Variants in IL7R observed in about 807,000 individuals in gnomAD.
The protein encoded by IL7R is interleukin-7 receptor subunit alpha.
Under a neutral mutation model 47.0 loss-of-function variants are expected in IL7R, and 38 were observed. The ratio of observed to expected loss-of-function variants is 0.81; its 90% confidence interval spans 0.62 to 1.06. The LOEUF (loss-of-function observed/expected upper bound fraction) is 1.06, where lower values mean the gene tolerates loss of function less well. Ranked by LOEUF, IL7R falls within the 50% of genes least tolerant of loss-of-function variation. The pLI, the probability that IL7R is intolerant of heterozygous loss-of-function variation, is 0.00. For missense variants in IL7R, 633 were observed against 534.8 expected, an observed-to-expected ratio of 1.18 and a Z score of -1.81; for synonymous variants, 221 against 199.8, an observed-to-expected ratio of 1.11 and a Z score of -0.89.
At position 35,877,271 on chromosome 5, in the gene IL7R, A is replaced by G. The variant is rs1561426692; in HGVS notation, c.*785A>G. 2 of 233,260 alleles carry G rather than the reference A, an allele frequency of 8.6e-6. No homozygotes were observed. Among genetic ancestry groups the G allele is most frequent in the Non-Finnish European group, 1.7e-5 (2 of 118,008 alleles). The allele number at this position is 233,260 out of a possible 1,614,324, so 14.4% of individuals were successfully genotyped here. On this transcript the variant is annotated 3_prime_UTR_variant, in exon 8 of 8. Transcript: ENST00000303115. ...TGTCCCCAGACAAATGTGAACATAC[A>G]TATCATCACTTAAATTAAAATGGCT...
In IL7R at chr5:35,860,875, G is replaced by A. The variant is rs1177711424; in HGVS notation, c.106G>A (p.Asp36Asn). ...QNGDLEDAEL[D>N]DYSFSCYSQL... ...AGGAGACTTGGAAGATGCAGAACTG[G>A]ATGACTACTCATTCTCATGCTATAG... is the stretch of plus-strand genomic sequence containing the variant. Residue 36 changes from aspartate (D) to asparagine (N), a missense_variant, in exon 2 of 8, where the codon GAT (aspartate) becomes AAT (asparagine). Asp to Asn is a conservative substitution (Grantham distance 23). Coordinates refer to ENST00000303115, the MANE Select transcript of IL7R (RefSeq NM_002185.5). 5.6e-6 allele frequency: 9 copies of A among 1,613,640 alleles called. No individual in the cohort carries two copies. Among genetic ancestry groups the A allele is most frequent in the Non-Finnish European group, 6.8e-6 (8 of 1,179,614 alleles).
chr5:35,876,308 A>C lies in IL7R; in HGVS notation c.1202A>C (p.Tyr401Ser). Residue 401 changes from tyrosine to serine, a missense_variant, in exon 8 of 8, where the codon TAC (tyrosine) becomes TCC (serine). Physicochemically the swap from Tyr to Ser is moderately radical, Grantham distance 144. Coordinates refer to ENST00000303115, the MANE Select transcript of IL7R (RefSeq NM_002185.5). ...RESGKNGPHVYQDLLLSLGTT... is the reference protein window; with the variant it reads ...RESGKNGPHVSQDLLLSLGTT... ...AGTGGCAAGAATGGGCCTCATGTGT[A>C]CCAGGACCTCCTGCTTAGCCTTGGG... 6.2e-7 allele frequency: 1 copy of C among 1,613,712 alleles called. No individual in the cohort carries two copies. Among genetic ancestry groups the C allele is most frequent in the South Asian group, 1.1e-5 (1 of 91,076 alleles).
Position 35,876,992 on chromosome 5 carries a change from C to T in IL7R, c.*506C>T, listed in dbSNP as rs1760235402. ...TTTTTATAGATCATTAAATTCAGAACTAAGGAGTTAAGTAACTTGTCCAAG... is the reference window on the plus strand; with the variant it reads ...TTTTTATAGATCATTAAATTCAGAATTAAGGAGTTAAGTAACTTGTCCAAG... On this transcript the variant is annotated 3_prime_UTR_variant, in exon 8 of 8. Coordinates refer to ENST00000303115, the MANE Select transcript of IL7R (RefSeq NM_002185.5). 4 of 243,488 alleles carry T rather than the reference C, an allele frequency of 1.6e-5. No individual in the cohort carries two copies. The highest frequency in any genetic ancestry group is 1.2e-3 in the Middle Eastern group (1 of 826). The allele number at this position is 243,488 out of a possible 1,614,324, so 15.1% of individuals were successfully genotyped here.
rs2149907873 is a variant in IL7R at position 35,878,799 on chromosome 5, A to G, written c.*2313A>G. ...TCAGAACTGGGAGCCATAATTTTGT[A>G]TCCCTGGTATAAATAGACAATCTCT... is the stretch of plus-strand genomic sequence containing the variant. On this transcript the variant is annotated 3_prime_UTR_variant, in exon 8 of 8. Coordinates refer to ENST00000303115, the MANE Select transcript of IL7R (RefSeq NM_002185.5). 4.3e-6 allele frequency: 1 copy of G among 233,102 alleles called. No individual in the cohort carries two copies. Among genetic ancestry groups the G allele is most frequent in the Admixed American group, 5.6e-5 (1 of 17,792 alleles). 14.4% of individuals were successfully genotyped at this position (233,102 alleles called of 1,614,324 possible).
chr5:35,869,079 C>G (rs574224924), intron 3 of IL7R, among the ~76,000 whole-genome samples: 6 of 152,134 alleles, frequency 3.9e-5, no homozygotes, highest in Non-Finnish European at 7.4e-5. Context: ...GCATGTCTCA[C>G]GGTAGCATCT....
At position 35,876,017 on chromosome 5, in the gene IL7R, T is replaced by G. The variant is rs1760196946; in HGVS notation, c.911T>G (p.Leu304Arg). ...LNVSFNPESF[L>R]DCQIHRVDDI... ...GTGAGTTTCAATCCTGAAAGTTTCC[T>G]GGACTGCCAGATTCATAGGGTGGAT... The change falls in exon 8 of 8, where the codon CTG becomes CGG. Residue 304 changes from leucine (L) to arginine (R), a missense_variant. Coordinates refer to ENST00000303115, the MANE Select transcript of IL7R (RefSeq NM_002185.5). 1.2e-6 allele frequency: 2 copies of G among 1,613,852 alleles called. No individual in the cohort carries two copies. Among genetic ancestry groups the G allele is most frequent in the African/African-American group, 2.7e-5 (2 of 74,946 alleles).
At position 35,876,424 on chromosome 5, in the gene IL7R, TC is replaced by T; in HGVS notation, c.1321del (p.Leu441TrpfsTer22). ...TGCTCAGGGTCAGCCCATTCTTACT[TC>T]CCTGGGATCAAATCAAGAAGAAGCA... ...PVAQGQPILT[S>X]LGSNQEEAYV... On this transcript the variant is annotated frameshift_variant, in exon 8 of 8. Transcript: ENST00000303115. LOFTEE classifies it high-confidence loss of function. The T allele has an allele frequency of 6.2e-7, 1 of 1,611,086 alleles. No homozygotes were observed. Among genetic ancestry groups the T allele is most frequent in the Non-Finnish European group, 8.5e-7 (1 of 1,179,980 alleles).
chr5:35,865,395 T>C (rs549773649), intron 2 of IL7R, among the ~76,000 whole-genome samples: 66 of 152,318 alleles, frequency 4.3e-4, no homozygotes, highest in African/African-American at 1.4e-3. Flanking sequence ...GTCTTTGCTA[T>C]TGTGAATAGT....
Position 35,875,569 on chromosome 5 carries a change from T to A in IL7R, c.858T>A (p.Leu286=). The A allele has an allele frequency of 6.2e-7, 1 of 1,613,348 alleles. No homozygotes were observed. Among genetic ancestry groups the A allele is most frequent in the Non-Finnish European group, 8.5e-7 (1 of 1,179,284 alleles). Residue 286 remains leucine (L), a synonymous_variant, in exon 7 of 8, where the codon CTT becomes CTA. Transcript: ENST00000303115. ...ATCATAAGAAGACTCTGGAACATCT[T>A]TGTAAGAAACCAAGAAAAGTGAGTG... The part of the protein sequence containing the change: ...LPDHKKTLEH[L]CKKPRKNLNV...
intron 4 of IL7R, among the ~76,000 whole-genome samples, chr5:35,871,733 G>A (rs1044852591): frequency 6.6e-6 from 1 of 152,138 alleles, no homozygotes; most frequent in Non-Finnish European, 1.5e-5. Context: ...AATCAGGAGA[G>A]TTACTTAGAT....
chr5:35,865,603 A>T (rs899088432), intron 2 of IL7R, among the ~76,000 whole-genome samples: 3 of 152,106 alleles, frequency 2.0e-5, no homozygotes, highest in African/African-American at 7.2e-5. Context: ...CTATTTCTCC[A>T]CATTCCCTCC....
chr5:35,872,704 T>C (rs566095262), intron 4 of IL7R, among the ~76,000 whole-genome samples: 1 of 152,250 alleles, frequency 6.6e-6, no homozygotes, highest in South Asian at 2.1e-4. Context: ...GATTGAGACA[T>C]GCAACTACAT....
intron 2 of IL7R, among the ~76,000 whole-genome samples, chr5:35,862,994 G>A (rs1759855437): frequency 6.6e-6 from 1 of 151,688 alleles, no homozygotes; most frequent in Admixed American, 6.6e-5. Context: ...CTTATTCCCT[G>A]GTATCTGTCT....
rs1398237911 is a variant in IL7R at position 35,860,959 on chromosome 5, G to A, written c.190G>A (p.Val64Ile). Residue 64 changes from valine to isoleucine, a missense_variant, in exon 2 of 8, where the codon GTC (valine) becomes ATC (isoleucine). Transcript: ENST00000303115. The stretch of plus-strand genomic sequence containing the variant: ...GACCTGTGCTTTTGAGGACCCAGAT[G>A]TCAACATCACCAATCTGGAATTTGA... ...SLTCAFEDPDVNITNLEFEIC... is the reference protein window; with the variant it reads ...SLTCAFEDPDINITNLEFEIC... 2 of 1,613,646 alleles carry A rather than the reference G, an allele frequency of 1.2e-6. No individual in the cohort carries two copies. The highest frequency in any genetic ancestry group is 1.3e-5 in the African/African-American group (1 of 75,016).
chr5:35,858,198 A>G (rs1759708287), intron 1 of IL7R, among the ~76,000 whole-genome samples: 1 of 152,188 alleles, frequency 6.6e-6, no homozygotes, highest in Non-Finnish European at 1.5e-5. Flanking sequence ...TAAGAATGCT[A>G]GTTGAAAGCT....
chr5:35,860,838 T>C lies in IL7R; in HGVS notation c.83-14T>C, dbSNP rs1759785981. Reference sequence around the variant, plus strand: ...ATTTGTTTCATTAACAGCTGCATGTTTGTTCCTCCCCAGGAGACTTGGAAG... The same window carrying C: ...ATTTGTTTCATTAACAGCTGCATGTCTGTTCCTCCCCAGGAGACTTGGAAG... On this transcript the variant is annotated splice_polypyrimidine_tract_variant and intron_variant, in intron 1 of 7. Coordinates refer to ENST00000303115, the MANE Select transcript of IL7R (RefSeq NM_002185.5). 1 of 1,613,068 alleles carries C rather than the reference T, an allele frequency of 6.2e-7. No individual in the cohort carries two copies. Among genetic ancestry groups the C allele is most frequent in the African/African-American group, 1.3e-5 (1 of 74,890 alleles).
Position 35,874,535 on chromosome 5 carries a change from A to G in IL7R, c.793A>G (p.Lys265Glu). 6.2e-7 allele frequency: 1 copy of G among 1,600,492 alleles called. No homozygotes were observed. Residue 265 changes from lysine (K) to glutamate (E), a missense_variant, in exon 6 of 8, where the codon AAA (lysine) becomes GAA (glutamate). Lys to Glu is a moderately conservative substitution (Grantham distance 56). Transcript: ENST00000303115. Reference protein sequence around the residue: ...LLVILACVLWKKRIKPIVWPS... With the variant: ...LLVILACVLWEKRIKPIVWPS... The stretch of plus-strand genomic sequence containing the variant: ...GGTCATCTTGGCCTGTGTGTTATGG[A>G]AAAAAAGGTGACCTTCTTCAACTAA...
At position 35,873,588 on chromosome 5, in the gene IL7R, T is replaced by C; in HGVS notation, c.646T>C (p.Phe216Leu). 1 of 1,614,038 alleles carries C rather than the reference T, an allele frequency of 6.2e-7. No individual in the cohort carries two copies. Among genetic ancestry groups the C allele is most frequent in the Non-Finnish European group, 8.5e-7 (1 of 1,179,888 alleles). Residue 216 changes from phenylalanine (F) to leucine (L), a missense_variant, in exon 5 of 8, where the codon TTC becomes CTC. Transcript: ENST00000303115. ...RSIPDHYFKG[F>L]WSEWSPSYYF... ...CATCCCTGATCACTATTTTAAAGGC[T>C]TCTGGAGTGAATGGAGTCCAAGTTA... is the stretch of plus-strand genomic sequence containing the variant.
chr5:35,871,831 C>T (rs1252091379), intron 4 of IL7R, among the ~76,000 whole-genome samples: 2 of 152,030 alleles, frequency 1.3e-5, no homozygotes, highest in Non-Finnish European at 2.9e-5. Flanking sequence ...GTGGAGTGTA[C>T]CAGGTTATGA....
Sources: allele counts gnomAD v4.1 joint callset (sites outside exome capture counted in the v4.1 genomes callset), GRCh38; gene constraint gnomAD v4.1.1; transcripts MANE v1.5; gene names NCBI Gene and HGNC (gene_info 2026-07-23, HGNC 2026-07-21).